NFKBIA: variants seen among roughly 807,000 people sequenced by gnomAD.
NFKBIA encodes NF-kappa-B inhibitor alpha.
A neutral mutation model predicts 36.3 loss-of-function variants in NFKBIA; 10 were observed. That is an observed-to-expected ratio of 0.28 (90% CI 0.17 to 0.47). The LOEUF (loss-of-function observed/expected upper bound fraction) is 0.47. Among genes scored for constraint, NFKBIA ranks in the 20% least tolerant of loss-of-function variants. NFKBIA has a pLI of 0.99. For missense variants in NFKBIA, 355 were observed against 399.3 expected (o/e 0.89, Z 0.94); for synonymous variants, 205 against 164.4 (o/e 1.25, Z -1.89).
intron 2 of NFKBIA, 75 bp from the exon 3 acceptor site, chr14:35,403,435 C>T: frequency 3.3e-6 from 5 of 1,511,800 alleles, no homozygotes; most frequent in Non-Finnish European, 3.7e-6. Flanking sequence ...CAACCCGTGT[C>T]TCCTGGTTGG....
Position 35,403,230 on chromosome 14 carries a change from C to G in NFKBIA, c.467G>C (p.Cys156Ser). The change falls in exon 3 of 6, where the codon TGC (cysteine) becomes TCC (serine). Residue 156 changes from cysteine (C) to serine (S), a missense_variant. Physicochemically the swap from Cys to Ser is moderately radical, Grantham distance 112. Transcript: ENST00000216797. ...AGTCAGGACTCCCACGCTGGCCAGG[C>G]AGCCCTGCTCACAGGCAAGGTGTAG... ...TPLHLACEQGCLASVGVLTQS... is the reference protein window; with the variant it reads ...TPLHLACEQGSLASVGVLTQS... 6.2e-7 allele frequency: 1 copy of G among 1,613,032 alleles called. No homozygotes were observed. The highest frequency in any genetic ancestry group is 8.5e-7 in the Non-Finnish European group (1 of 1,180,016).
rs779802553 is a variant in NFKBIA, at chr14:35,404,582, C to T, written c.63G>A (p.Lys21=). 12 of 1,588,440 alleles carry T rather than the reference C, an allele frequency of 7.6e-6. No homozygotes were observed. Among genetic ancestry groups the T allele is most frequent in the Non-Finnish European group, 9.4e-6 (11 of 1,169,066 alleles). The stretch of plus-strand genomic sequence containing the variant: ...GGCGGTCGTCCAGTAGCCGCTCCTT[C>T]TTCAGCCCGTCGCGGGGGCCCTCCA... ...WAMEGPRDGL[K]KERLLDDRHD... is the part of the protein sequence containing the mutation. The change falls in exon 1 of 6, where the codon AAG becomes AAA. Residue 21 remains lysine (K), a synonymous_variant. Transcript: ENST00000216797.
chr14:35,402,121 G>A lies in NFKBIA; in HGVS notation c.907-61C>T, dbSNP rs149524774. On this transcript the variant is annotated intron_variant, in intron 5 of 5. Transcript: ENST00000216797. The stretch of plus-strand genomic sequence containing the variant: ...CGGAGCGGAGCTCTGCCAAGCTACC[G>A]GGATGGGGAGGCCACTACTGGAAAT... 2,562 of 1,586,652 alleles carry A rather than the reference G, an allele frequency of 1.6e-3. 35 individuals carry two copies. In the East Asian group the frequency reaches 0.028, roughly 18 times the overall value.
Position 35,404,609 on chromosome 14 carries a change from G to T in NFKBIA, c.36C>A (p.Ala12=), listed in dbSNP as rs776559937. The T allele has an allele frequency of 6.4e-7, 1 of 1,561,450 alleles. No individual in the cohort carries two copies. The highest frequency in any genetic ancestry group is 8.7e-7 in the Non-Finnish European group (1 of 1,155,688). ...TCAGCCCGTCGCGGGGGCCCTCCAT[G>T]GCCCACTCCTGGGGGCGCTCGGCCG... is the stretch of plus-strand genomic sequence containing the variant. The part of the protein sequence containing the change: ...FQAAERPQEW[A]MEGPRDGLKK... Residue 12 remains alanine (A), a synonymous_variant, in exon 1 of 6, where the codon GCC becomes GCA. Transcript: ENST00000216797.
In NFKBIA at chr14:35,404,729, G is replaced by GACGGCGGC. The variant is rs11569614; in HGVS notation, c.-93_-86dup. 1.6e-5 allele frequency: 16 copies of GACGGCGGC among 1,012,108 alleles called. No individual in the cohort carries two copies. The highest frequency in any genetic ancestry group is 5.1e-5 in the African/African-American group (3 of 58,620). 62.7% of individuals were successfully genotyped at this position (1,012,108 alleles called of 1,614,324 possible). The stretch of plus-strand genomic sequence containing the variant: ...TCCTCGCTGGGGCGCTGGCGGGCGG[G>GACGGCGGC]ACGGCGGCACGGACTGCTGTGGGCT... On this transcript the variant is annotated 5_prime_UTR_variant, in exon 1 of 6. Transcript: ENST00000216797.
chr14:35,403,256 G>C lies in NFKBIA; in HGVS notation c.441C>G (p.Pro147=), dbSNP rs375015401. Residue 147 remains proline, a synonymous_variant, in exon 3 of 6, where the codon CCC becomes CCG. Coordinates refer to ENST00000216797, the MANE Select transcript of NFKBIA (RefSeq NM_020529.3). ...AGCCCTGCTCACAGGCAAGGTGTAG[G>C]GGGGTATTTCCTCGAAAGTCTCGGA... is the stretch of plus-strand genomic sequence containing the variant. ...PELRDFRGNT[P]LHLACEQGCL... is the part of the protein sequence containing the mutation. 5.0e-6 allele frequency: 8 copies of C among 1,613,554 alleles called. No homozygotes were observed. The highest frequency in any genetic ancestry group is 2.2e-5 in the East Asian group (1 of 44,880).
Position 35,402,404 on chromosome 14 carries a change from G to A in NFKBIA, c.896C>T (p.Thr299Ile), listed in dbSNP as rs769191348. 3 of 1,614,014 alleles carry A rather than the reference G, an allele frequency of 1.9e-6. No homozygotes were observed. The African/African-American group carries it at 4.0e-5, about 22-fold the overall frequency. Residue 299 changes from threonine (T) to isoleucine (I), a missense_variant, in exon 5 of 6, where the codon ACA (threonine) becomes ATA (isoleucine). Thr to Ile is a moderately conservative substitution (Grantham distance 89, BLOSUM62 -1). Transcript: ENST00000216797. The part of the protein sequence containing the change: ...YDTESEFTEF[T>I]EDELPYDDCV... ...AGTTCACAGACTCACCTCGTCCTCTGTGAACTCCGTGAACTCTGACTCTGT... is the reference window on the plus strand; with the variant it reads ...AGTTCACAGACTCACCTCGTCCTCTATGAACTCCGTGAACTCTGACTCTGT...
chr14:35,403,815 G>C lies in NFKBIA; in HGVS notation c.228-17C>G. 1.3e-6 allele frequency: 2 copies of C among 1,593,152 alleles called. No homozygotes were observed. The highest frequency in any genetic ancestry group is 2.2e-5 in the South Asian group (2 of 89,918). On this transcript the variant is annotated splice_polypyrimidine_tract_variant and intron_variant, in intron 1 of 5. Coordinates refer to ENST00000216797, the MANE Select transcript of NFKBIA (RefSeq NM_020529.3). ...TGCAGGAACCTGTGGGGAAGAGAGG[G>C]AAAAACCCCAGGGGTGGTGAGTGCA...
rs898611454 is a variant in NFKBIA, at chr14:35,404,680, C to G, written c.-36G>C. ...AGCTGCGGGCGCTGCTGCGGGTGCG[C>G]TGGGCCGCGGGCTGCGCGCTGCTTC... On this transcript the variant is annotated 5_prime_UTR_variant, in exon 1 of 6. Transcript: ENST00000216797. 5 of 1,382,164 alleles carry G rather than the reference C, an allele frequency of 3.6e-6. No individual in the cohort carries two copies. The highest frequency in any genetic ancestry group is 4.7e-6 in the Non-Finnish European group (5 of 1,061,690). The allele number at this position is 1,382,164 out of a possible 1,614,324, so 85.6% of individuals were successfully genotyped here.
intron 1 of NFKBIA, 114 bp from the exon 2 acceptor site, chr14:35,403,912 C>T: frequency 1.3e-6 from 1 of 762,744 alleles, no homozygotes; most frequent in Non-Finnish European, 2.3e-6. Context: ...GCCGAGGCCG[C>T]GGTGTTTTCC....
Position 35,402,445 on chromosome 14 carries a change from A to G in NFKBIA, c.855T>C (p.Asp285=), listed in dbSNP as rs1566589963. 1 of 1,614,082 alleles carries G rather than the reference A, an allele frequency of 6.2e-7. No homozygotes were observed. The highest frequency in any genetic ancestry group is 8.5e-7 in the Non-Finnish European group (1 of 1,180,006). Residue 285 remains aspartate (D), a synonymous_variant, in exon 5 of 6, where the codon GAT becomes GAC. Coordinates refer to ENST00000216797, the MANE Select transcript of NFKBIA (RefSeq NM_020529.3). The stretch of plus-strand genomic sequence containing the variant: ...CTGACTCTGTGTCATAGCTCTCCTC[A>G]TCCTCACTCTCTGGCAGCATCTGAA... The part of the protein sequence containing the change: ...ENLQMLPESE[D]EESYDTESEF...
At chr14:35,403,890 G>A in intron 1 of NFKBIA, 92 bp from the exon 2 acceptor site, 2 of 949,078 alleles carry the variant, frequency 2.1e-6, no homozygotes, top group Non-Finnish European at 3.3e-6. Flanking sequence ...CGCAAGGCCG[G>A]GGTTTCTGGA....
intron 1 of NFKBIA, 64 bp downstream of exon 1, chr14:35,404,354 C>G: frequency 9.1e-7 from 1 of 1,102,010 alleles, no homozygotes; most frequent in Non-Finnish European, 1.2e-6. Context: ...CGGCGCCTCC[C>G]ACCCCCAGGC....
chr14:35,403,418 T>C, intron 2 of NFKBIA, 58 bp from the exon 3 acceptor site: 1 of 1,578,208 alleles, frequency 6.3e-7, no homozygotes, highest in Non-Finnish European at 8.7e-7. Flanking sequence ...ACACCCCGAG[T>C]TCCCCTCAAC....
chr14:35,402,362 A>C (rs1450893369), intron 5 of NFKBIA, 32 bp downstream of exon 5: 7 of 1,613,306 alleles, frequency 4.3e-6, no homozygotes, highest in Non-Finnish European at 5.9e-6. Flanking sequence ...GCACCTCATT[A>C]GTTAGAGCGC....
In NFKBIA at chr14:35,403,763, G is replaced by A. The variant is rs2138832870; in HGVS notation, c.263C>T (p.Ala88Val). 6.2e-7 allele frequency: 1 copy of A among 1,613,980 alleles called. No individual in the cohort carries two copies. Among genetic ancestry groups the A allele is most frequent in the South Asian group, 1.1e-5 (1 of 91,042 alleles). ...CTGGCGGATCACTTCCATGGTCAGT[G>A]CCTTTTCTTCATGGATGATGGCCAA... Reference protein sequence around the residue: ...LHLAIIHEEKALTMEVIRQVK... With the variant: ...LHLAIIHEEKVLTMEVIRQVK... The change falls in exon 2 of 6, where the codon GCA (alanine) becomes GTA (valine). Residue 88 changes from alanine (A) to valine (V), a missense_variant. Transcript: ENST00000216797.
intron 5 of NFKBIA, 37 bp downstream of exon 5, chr14:35,402,352 GCACCT>G (rs1239976644): frequency 2.5e-6 from 4 of 1,611,962 alleles, no homozygotes; most frequent in African/African-American, 2.7e-5. Flanking sequence ...GAAGGGAATG[GCACCT>G]CATTAGTTAG....
chr14:35,402,887 A>C (rs1363367439), intron 3 of NFKBIA, 28 bp from the exon 4 acceptor site: 2 of 1,601,230 alleles, frequency 1.2e-6, no homozygotes, highest in Admixed American at 1.7e-5. Flanking sequence ...AAAAAGTATA[A>C]CCACCTGTTT....
At position 35,402,777 on chromosome 14, in the gene NFKBIA, A is replaced by G. The variant is rs756290170; in HGVS notation, c.630T>C (p.Asn210=). 3.7e-6 allele frequency: 6 copies of G among 1,613,968 alleles called. No individual in the cohort carries two copies. Among genetic ancestry groups the G allele is most frequent in the Non-Finnish European group, 4.2e-6 (5 of 1,179,922 alleles). ...ELLVSLGADV[N]AQEPCNGRTA... is the part of the protein sequence containing the mutation. ...GGGGGCAGGAAGCACCAACCTGAGC[A>G]TTGACATCAGCACCCAAGGACACCA... The change falls in exon 4 of 6, where the codon AAT becomes AAC. Residue 210 remains asparagine, a synonymous_variant. Transcript: ENST00000216797.
Sources: gnomAD v4.1 joint callset for allele counts on GRCh38, gnomAD v4.1.1 for gene constraint, MANE v1.5 for transcripts, NCBI Gene and HGNC (gene_info 2026-07-23, HGNC 2026-07-21) for gene names.